The following CACNG4 variants were observed in gnomAD, a reference collection of about 807,000 sequenced individuals.
The protein encoded by CACNG4 is voltage-dependent calcium channel gamma-4 subunit.
Under a neutral mutation model 22.9 loss-of-function variants are expected in CACNG4, and 8 were observed. The observed-to-expected ratio is 0.35, with a 90% CI of 0.21 to 0.63. The LOEUF is 0.63. CACNG4 is among the 30% of genes least tolerant of loss of function. The pLI, the probability that CACNG4 is intolerant of heterozygous loss-of-function variation, is 0.72. For synonymous variants in CACNG4, 188 were observed against 191.9 expected (o/e 0.98, Z 0.17); for missense variants, 357 against 455.4 (o/e 0.78, Z 1.97).
rs2035594933 is a variant in CACNG4 at position 67,030,270 on chromosome 17, T to C, written c.446-196T>C. ...GGGGCTGAGAGTGTGTTTTATTGTA[T>C]ACCTCATTTGAACTTTGTACTCTAT... On this transcript the variant is annotated intron_variant, in intron 3 of 3. Coordinates refer to ENST00000262138, the MANE Select transcript of CACNG4 (RefSeq NM_014405.4). The surrounding 1 kb of genome is among the most constrained non-coding windows in gnomAD (Gnocchi z 6.4). Among the ~76,000 whole-genome samples the C allele has an allele frequency of 6.6e-6, 1 of 152,154 alleles. No homozygotes were observed. The highest frequency in any genetic ancestry group is 1.5e-5 in the Non-Finnish European group (1 of 68,040).
chr17:66,997,236 A>G (rs1270974180), intron 1 of CACNG4, among the ~76,000 whole-genome samples: 1 of 152,134 alleles, frequency 6.6e-6, no homozygotes, highest in African/African-American at 2.4e-5. Flanking sequence ...GGCAGTGTGG[A>G]TGGATAAGAG....
intron 1 of CACNG4, among the ~76,000 whole-genome samples, chr17:67,012,695 G>A (rs1022139873): frequency 6.6e-6 from 1 of 152,152 alleles, no homozygotes; most frequent in Admixed American, 6.5e-5. Context: ...CGTTCCCTCA[G>A]GCAACCTACT....
chr17:67,017,730 A>T (rs1403268806), intron 1 of CACNG4, among the ~76,000 whole-genome samples: 1 of 151,658 alleles, frequency 6.6e-6, no homozygotes, highest in Admixed American at 6.6e-5. Flanking sequence ...GTTGGCCAGG[A>T]TGGTCTCGAT....
At position 66,984,697 on chromosome 17, in the gene CACNG4, C is replaced by CAGAATGA. The variant is rs1324607451; in HGVS notation, c.220+19566_220+19567insAGAATGA. 6.6e-6 allele frequency among the ~76,000 whole-genome samples: 1 copy of CAGAATGA among 152,122 alleles called. No individual in the cohort carries two copies. The highest frequency in any genetic ancestry group is 1.9e-4 in the East Asian group (1 of 5,192). On this transcript the variant is annotated intron_variant, in intron 1 of 3. Transcript: ENST00000262138. The surrounding 1 kb of genome is among the most constrained non-coding windows in gnomAD (Gnocchi z 4.0). ...AGAATGACATGACCTCCCACTTGTTCCTGCCTCGCCATCTGCTTGTGCTGT... is the reference window on the plus strand; with the variant it reads ...AGAATGACATGACCTCCCACTTGTTCAGAATGACTGCCTCGCCATCTGCTTGTGCTGT...
rs929931603 is a variant in CACNG4 at position 67,032,144 on chromosome 17, A to G, written c.*1140A>G. 1.8e-5 allele frequency: 7 copies of G among 381,476 alleles called. No homozygotes were observed. The highest frequency in any genetic ancestry group is 3.1e-5 in the Non-Finnish European group (6 of 193,138). 23.6% of individuals were successfully genotyped at this position (381,476 alleles called of 1,614,324 possible). A position where few individuals can be genotyped will look rare whatever the true frequency, so the allele number is the denominator to read the frequency against. On this transcript the variant is annotated 3_prime_UTR_variant, in exon 4 of 4. Coordinates refer to ENST00000262138, the MANE Select transcript of CACNG4 (RefSeq NM_014405.4). ...GTAAGTTATTCTGCCACCACCTAAC[A>G]GGACGGAGTGGAGTGAGTTTGGATA...
intron 1 of CACNG4, among the ~76,000 whole-genome samples, chr17:66,986,997 A>T (rs1486859896): frequency 6.6e-6 from 1 of 152,226 alleles, no homozygotes; most frequent in Non-Finnish European, 1.5e-5. Context: ...TAACAGCCAC[A>T]TCTTGAGTGA....
intron 1 of CACNG4, among the ~76,000 whole-genome samples, chr17:66,969,481 G>T (rs1431841456): frequency 6.6e-6 from 1 of 152,242 alleles, no homozygotes; most frequent in Non-Finnish European, 1.5e-5. Context: ...AGTGGGGGAA[G>T]TTATGGAGAA....
chr17:67,017,299 ACTC>A (rs1460434992), intron 1 of CACNG4, among the ~76,000 whole-genome samples: 2 of 151,722 alleles, frequency 1.3e-5, no homozygotes, highest in African/African-American at 4.8e-5. Flanking sequence ...CTGGTCTCGA[ACTC>A]CTGGGCTTAA....
intron 1 of CACNG4, among the ~76,000 whole-genome samples, chr17:66,983,369 C>T (rs941567224): frequency 9.2e-5 from 14 of 152,186 alleles, no homozygotes; most frequent in Admixed American, 2.0e-4. Flanking sequence ...GCTCAGTGTG[C>T]TGCGAATATC....
At chr17:66,991,865 G>A (rs956287176) in intron 1 of CACNG4, among the ~76,000 whole-genome samples, 4 of 152,144 alleles carry the variant, frequency 2.6e-5, no homozygotes, top group South Asian at 4.1e-4. Flanking sequence ...TCTGCAGGCC[G>A]ACCTCTCTTC....
At chr17:67,028,612 G>A (rs141928742) in intron 3 of CACNG4, among the ~76,000 whole-genome samples, 1 of 152,160 alleles carries the variant, frequency 6.6e-6, no homozygotes, top group Admixed American at 6.5e-5. Flanking sequence ...CTTACGTCAG[G>A]CGCCCTGTGT....
chr17:67,007,997 G>A (rs2035447255), intron 1 of CACNG4, among the ~76,000 whole-genome samples: 1 of 152,106 alleles, frequency 6.6e-6, no homozygotes, highest in Admixed American at 6.6e-5. Flanking sequence ...TGGGTCACAG[G>A]CCACCTCAAA....
In CACNG4 at chr17:66,998,079, A is replaced by G. The variant is rs191963175; in HGVS notation, c.221-20110A>G. On this transcript the variant is annotated intron_variant, in intron 1 of 3. Coordinates refer to ENST00000262138, the MANE Select transcript of CACNG4 (RefSeq NM_014405.4). ...AGGATGTTGGACTGTTTGCCTTGCA[A>G]TGTCAGGGTTCAGGACACGTCAGGG... Among the ~76,000 whole-genome samples, 46 of 152,314 alleles carry G rather than the reference A, an allele frequency of 3.0e-4. No homozygotes were observed. The East Asian group carries it at 7.7e-3, about 26-fold the overall frequency.
chr17:66,981,344 T>C (rs965275274), intron 1 of CACNG4, among the ~76,000 whole-genome samples: 2 of 152,256 alleles, frequency 1.3e-5, no homozygotes, highest in African/African-American at 4.8e-5. Flanking sequence ...CCTTTCTTCT[T>C]GCTCAGTCTT....
At chr17:67,018,819 T>C (rs925101370) in intron 2 of CACNG4, among the ~76,000 whole-genome samples, 1 of 152,102 alleles carries the variant, frequency 6.6e-6, no homozygotes, top group Non-Finnish European at 1.5e-5. Flanking sequence ...CTCTGATATA[T>C]GGTCCTGAAG....
chr17:67,001,631 C>T (rs1434145702), intron 1 of CACNG4, among the ~76,000 whole-genome samples: 1 of 152,224 alleles, frequency 6.6e-6, no homozygotes, highest in African/African-American at 2.4e-5. Flanking sequence ...ATAGCCAGGG[C>T]CTAGCATGGT....
intron 2 of CACNG4, among the ~76,000 whole-genome samples, chr17:67,023,186 G>A (rs959980651): frequency 2.0e-5 from 3 of 151,224 alleles, no homozygotes; most frequent in Admixed American, 2.0e-4. Flanking sequence ...AAGGATGCTC[G>A]TCGTTGGATC....
At chr17:66,974,339 G>A (rs958964359) in intron 1 of CACNG4, among the ~76,000 whole-genome samples, 3 of 152,160 alleles carry the variant, frequency 2.0e-5, no homozygotes, top group African/African-American at 7.2e-5. Context: ...CTGAAACAGA[G>A]GCCTAGAAAA....
chr17:67,007,240 C>A (rs1038720102), intron 1 of CACNG4, among the ~76,000 whole-genome samples: 14 of 152,198 alleles, frequency 9.2e-5, no homozygotes, highest in African/African-American at 3.4e-4. Flanking sequence ...CTCAATGACT[C>A]TAAACTATCA....
Sources: gnomAD v4.1 joint callset for allele counts (sites outside exome capture counted in the v4.1 genomes callset) on GRCh38, gnomAD v4.1.1 for gene constraint, Gnocchi (gnomAD v3.1) non-coding constraint, MANE v1.5 for transcripts, NCBI Gene and HGNC (gene_info 2026-07-23, HGNC 2026-07-21) for gene names.